MX1: variants seen among roughly 807,000 people sequenced by gnomAD.
MX1 encodes interferon-induced GTP-binding protein Mx1.
Under a neutral mutation model 66.4 loss-of-function variants are expected in MX1, and 66 were observed. The ratio of observed to expected loss-of-function variants is 0.99; its 90% CI spans 0.82 to 1.22. MX1 has a LOEUF of 1.22. MX1 is among the 50% of genes most tolerant of loss of function. MX1 has a pLI of 0.00. For missense variants in MX1, 787 were observed against 834.3 expected, an observed-to-expected ratio of 0.94 and a Z score of 0.70; for synonymous variants, 311 against 318.1, an observed-to-expected ratio of 0.98 and a Z score of 0.24.
chr21:41,451,257 T>C lies in MX1; in HGVS notation c.1509+14T>C. On this transcript the variant is annotated intron_variant, in intron 15 of 16. Coordinates refer to ENST00000398598, the MANE Select transcript of MX1 (RefSeq NM_002462.5). ...AGAACCGCCAAGGTAAAACCAACCA[T>C]GTGTTGTTTAAAAAAAAAAAAGAAA... 6.5e-7 allele frequency: 1 copy of C among 1,533,830 alleles called. No individual in the cohort carries two copies. The highest frequency in any genetic ancestry group is 8.9e-7 in the Non-Finnish European group (1 of 1,125,002).
chr21:41,443,845 C>A lies in MX1; in HGVS notation c.987C>A (p.Ser329Arg). ...TVPCLAEKLT[S>R]ELITHICKSL... ...CCTGCCTGGCAGAAAAACTTACCAG[C>A]GAGCTCATCACACATATCTGTGTAA... The change falls in exon 11 of 17, where the codon AGC becomes AGA. Residue 329 changes from serine to arginine, a missense_variant. Transcript: ENST00000398598. 6.2e-7 allele frequency: 1 copy of A among 1,614,216 alleles called. No homozygotes were observed. The highest frequency in any genetic ancestry group is 8.5e-7 in the Non-Finnish European group (1 of 1,180,030).
intron 3 of MX1, chr21:41,428,591 T>C (rs464397): frequency 0.64 from 97,302 of 152,170 alleles, 33,084 homozygotes; most frequent in East Asian, 0.99. Context: ...CAGACATTGC[T>C]AGTCCCTTGT....
chr21:41,436,697 T>G (rs113827200), intron 6 of MX1, among the ~76,000 whole-genome samples: 2,814 of 152,180 alleles, frequency 0.018, 90 homozygotes, highest in African/African-American at 0.064. Flanking sequence ...GATGTTCGGA[T>G]GAGTTTCGGG....
chr21:41,444,991 C>T (rs944845920), intron 11 of MX1, among the ~76,000 whole-genome samples: 9 of 152,124 alleles, frequency 5.9e-5, no homozygotes, highest in East Asian at 1.9e-4. Context: ...TGGCGTCAAC[C>T]GTATTGTTAA....
At chr21:41,431,927 C>G (rs1198359359) in intron 4 of MX1, 123 bp from the exon 5 acceptor site, 1 of 684,460 alleles carries the variant, frequency 1.5e-6, no homozygotes, top group African/African-American at 1.8e-5. Context: ...CTGGGGACAT[C>G]ACCATGAACA....
Position 41,451,841 on chromosome 21 carries a change from A to G in MX1, c.1509+598A>G, listed in dbSNP as rs1451765323. Among the ~76,000 whole-genome samples, 3 of 142,026 alleles carry G rather than the reference A, an allele frequency of 2.1e-5. No individual in the cohort carries two copies. In the East Asian group the frequency reaches 6.0e-4, roughly 29 times the overall value. The allele number at this position is 142,026 out of a possible 152,430, so 93.2% of individuals were successfully genotyped here. ...TGGAGCGAGACCCCGTCTCAAAAAAAAAAAAAAAAACAAACAAAAAAACTT... is the reference window on the plus strand; with the variant it reads ...TGGAGCGAGACCCCGTCTCAAAAAAGAAAAAAAAAACAAACAAAAAAACTT... On this transcript the variant is annotated intron_variant, in intron 15 of 16. Transcript: ENST00000398598.
chr21:41,448,392 A>C (rs1444084059), intron 13 of MX1, among the ~76,000 whole-genome samples: 1 of 152,238 alleles, frequency 6.6e-6, no homozygotes, highest in Non-Finnish European at 1.5e-5. Flanking sequence ...TTAATTCCAG[A>C]AAGTGTTCAT....
rs756328270 is a variant in MX1, at chr21:41,431,942, G to A, written c.-21-108G>A. On this transcript the variant is annotated intron_variant, in intron 4 of 16. Coordinates refer to ENST00000398598, the MANE Select transcript of MX1 (RefSeq NM_002462.5). Reference sequence around the variant, plus strand: ...CTGGGGACATCACCATGAACAACTAGTCAGAGTCCCCACCTCCAGGGGCCT... The same window carrying A: ...CTGGGGACATCACCATGAACAACTAATCAGAGTCCCCACCTCCAGGGGCCT... The A allele has an allele frequency of 4.2e-4, 331 of 789,096 alleles. 1 individual carries two copies. The highest frequency in any genetic ancestry group is 1.2e-4 in the Non-Finnish European group (59 of 481,474). The allele number at this position is 789,096 out of a possible 1,614,324, so 48.9% of individuals were successfully genotyped here.
rs1389369290 is a variant in MX1, at chr21:41,427,291, G to C, written c.-223G>C. 1 of 152,248 alleles carries C rather than the reference G, an allele frequency of 6.6e-6. No homozygotes were observed. Among genetic ancestry groups the C allele is most frequent in the African/African-American group, 2.4e-5 (1 of 41,454 alleles). The allele number at this position is 152,248 out of a possible 1,614,324, so 9.4% of individuals were successfully genotyped here. On this transcript the variant is annotated 5_prime_UTR_variant, in exon 2 of 17. Coordinates refer to ENST00000398598, the MANE Select transcript of MX1 (RefSeq NM_002462.5). ...CCCTTGCCGCCCACCTGCTCACCCA[G>C]CTCAGGGGCTTTGGTAGGTAGCAGT...
At position 41,452,669 on chromosome 21, in the gene MX1, C is replaced by G; in HGVS notation, c.1558C>G (p.Leu520Val). 6.2e-7 allele frequency: 1 copy of G among 1,614,142 alleles called. No homozygotes were observed. The highest frequency in any genetic ancestry group is 8.5e-7 in the Non-Finnish European group (1 of 1,180,014). The change falls in exon 16 of 17, where the codon CTG (leucine) becomes GTG (valine). Residue 520 changes from leucine to valine, a missense_variant. Leu to Val is a conservative substitution (Grantham distance 32). Coordinates refer to ENST00000398598, the MANE Select transcript of MX1 (RefSeq NM_002462.5). ...AGAACAAGAGAGAGAAGGTGAGAAG[C>G]TGATCCGCCTCCACTTCCAGATGGA... is the stretch of plus-strand genomic sequence containing the variant. ...RAEQEREGEK[L>V]IRLHFQMEQI...
chr21:41,422,176 G>A (rs533287817), upstream of MX1: 3 of 152,224 alleles, frequency 2.0e-5, no homozygotes, highest in East Asian at 5.8e-4. Context: ...TCATAAAACA[G>A]GTTGCAATAA....
Position 41,440,951 on chromosome 21 carries a change from G to C in MX1, c.656G>C (p.Ser219Thr), listed in dbSNP as rs576907451. 2.5e-6 allele frequency: 4 copies of C among 1,614,080 alleles called. No individual in the cohort carries two copies. The highest frequency in any genetic ancestry group is 1.6e-4 in the Middle Eastern group (1 of 6,062). The part of the protein sequence containing the change: ...QETISLVVVP[S>T]NVDIATTEAL... ...ACAATCAGCCTGGTGGTGGTCCCCA[G>C]TAATGTGGACATCGCCACCACAGAG... The change falls in exon 9 of 17, where the codon AGT (serine) becomes ACT (threonine). Residue 219 changes from serine to threonine, a missense_variant. Ser to Thr is a moderately conservative substitution (Grantham distance 58). Transcript: ENST00000398598.
intron 7 of MX1, among the ~76,000 whole-genome samples, chr21:41,438,578 C>T (rs469397): frequency 0.34 from 51,312 of 152,116 alleles, 10,898 homozygotes; most frequent in Non-Finnish European, 0.49. Context: ...TCTCTCCTGA[C>T]GTGGCACTGT....
At chr21:41,450,754 G>T (rs935281327) in intron 14 of MX1, among the ~76,000 whole-genome samples, 3 of 151,808 alleles carry the variant, frequency 2.0e-5, no homozygotes, top group African/African-American at 7.3e-5. Context: ...AAAAATAAAA[G>T]ATAAATAATA....
chr21:41,439,782 T>G lies in MX1; in HGVS notation c.525T>G (p.Thr175=). 1 of 1,614,090 alleles carries G rather than the reference T, an allele frequency of 6.2e-7. No homozygotes were observed. Among genetic ancestry groups the G allele is most frequent in the Non-Finnish European group, 8.5e-7 (1 of 1,180,026 alleles). The change falls in exon 8 of 17, where the codon ACT becomes ACG. Residue 175 remains threonine (T), a synonymous_variant. Transcript: ENST00000398598. ...GCTCCCGAGATGTCCCGGATCTGACTCTAATAGACCTTCCTGGCATAACCA... is the reference window on the plus strand; with the variant it reads ...GCTCCCGAGATGTCCCGGATCTGACGCTAATAGACCTTCCTGGCATAACCA... ...EISSRDVPDL[T]LIDLPGITRV...
intron 16 of MX1, among the ~76,000 whole-genome samples, chr21:41,454,852 C>G (rs1470979012): frequency 6.6e-6 from 1 of 151,792 alleles, no homozygotes; most frequent in African/African-American, 2.4e-5. Context: ...CTCCTGGGAT[C>G]TTGTGGAAAT....
intron 14 of MX1, among the ~76,000 whole-genome samples, chr21:41,449,967 A>C (rs1170761470): frequency 6.6e-6 from 1 of 152,146 alleles, no homozygotes; most frequent in Non-Finnish European, 1.5e-5. Flanking sequence ...TCCTGAAGCT[A>C]TGTAGGGGCC....
rs772421104 is a variant in MX1, at chr21:41,441,684, A to G, written c.731-32A>G. The stretch of plus-strand genomic sequence containing the variant: ...GTTCACCTCTGCCTCGTGACTGAGC[A>G]CGTTCTCTCCCCAAATACATCTGGC... On this transcript the variant is annotated intron_variant, in intron 9 of 16. Transcript: ENST00000398598. This position sits in a 1 kb window ranked among gnomAD's most constrained non-coding sequence, Gnocchi z 4.0. 13 of 1,612,072 alleles carry G rather than the reference A, an allele frequency of 8.1e-6. No homozygotes were observed. In the East Asian group the frequency reaches 2.7e-4, roughly 33 times the overall value.
intron 15 of MX1, 86 bp downstream of exon 15, chr21:41,451,329 A>T: frequency 2.2e-6 from 2 of 892,538 alleles, no homozygotes; most frequent in Non-Finnish European, 3.6e-6. Context: ...GATGAGGATT[A>T]TTTCAACTTT....
Sources: gnomAD v4.1 joint callset for allele counts (sites outside exome capture counted in the v4.1 genomes callset) on GRCh38, gnomAD v4.1.1 for gene constraint, Gnocchi (gnomAD v3.1) non-coding constraint, MANE v1.5 for transcripts, NCBI Gene and HGNC (gene_info 2026-07-23, HGNC 2026-07-21) for gene names.